Variants in TMEFF1 observed in about 807,000 individuals in gnomAD.
TMEFF1 encodes tomoregulin-1.
Under a neutral mutation model 47.5 loss-of-function variants are expected in TMEFF1, and 20 were observed. The observed-to-expected ratio is 0.42, with a 90% confidence interval of 0.30 to 0.61. The LOEUF is 0.61. Ranked by LOEUF, TMEFF1 falls within the 20% of genes least tolerant of loss-of-function variation. The pLI, the probability that TMEFF1 is intolerant of heterozygous loss-of-function variation, is 0.19. For missense variants in TMEFF1, 411 were observed against 471.1 expected, an observed-to-expected ratio of 0.87 and a Z score of 1.18; for synonymous variants, 162 against 166.3, an observed-to-expected ratio of 0.97 and a Z score of 0.20.
chr9:100,571,987 G>C (rs1479315727), intron 8 of TMEFF1, among the ~76,000 whole-genome samples: 1 of 152,048 alleles, frequency 6.6e-6, no homozygotes, highest in Non-Finnish European at 1.5e-5. Context: ...GTGAGTGATG[G>C]GGAGTAGCTG....
intron 1 of TMEFF1, among the ~76,000 whole-genome samples, chr9:100,483,380 C>A (rs567461221): frequency 9.2e-5 from 14 of 152,122 alleles, no homozygotes; most frequent in African/African-American, 3.4e-4. Flanking sequence ...GCCTGTAATC[C>A]CAGCTACTCA....
At chr9:100,513,246 A>G in intron 3 of TMEFF1, 61 bp from the exon 4 acceptor site, 1 of 1,572,278 alleles carries the variant, frequency 6.4e-7, no homozygotes, top group Non-Finnish European at 8.6e-7. Context: ...AAATTTTATT[A>G]TTTGATAAGA....
chr9:100,543,690 A>T (rs943117261), intron 5 of TMEFF1, among the ~76,000 whole-genome samples: 2 of 147,624 alleles, frequency 1.4e-5, no homozygotes, highest in Non-Finnish European at 3.0e-5. Flanking sequence ...ACACTAACAT[A>T]GCTGATGAAG....
intron 5 of TMEFF1, among the ~76,000 whole-genome samples, chr9:100,532,782 T>C (rs1367845019): frequency 6.6e-6 from 1 of 152,074 alleles, no homozygotes; most frequent in East Asian, 1.9e-4. Flanking sequence ...TAAAGACACA[T>C]GCACACGTAT....
At chr9:100,529,808 C>G (rs1838340561) in intron 5 of TMEFF1, among the ~76,000 whole-genome samples, 2 of 152,122 alleles carry the variant, frequency 1.3e-5, no homozygotes, top group African/African-American at 4.8e-5. Flanking sequence ...CAGCCCCACA[C>G]CACACCTATT....
At position 100,550,028 on chromosome 9, in the gene TMEFF1, T is replaced by C. The variant is rs1466535348; in HGVS notation, c.710-67T>C. 1.9e-6 allele frequency: 3 copies of C among 1,539,910 alleles called. No individual in the cohort carries two copies. In the African/African-American group the frequency reaches 4.2e-5, roughly 21 times the overall value. ...AAGAACTTGGAATAATTTGGAATTA[T>C]TGGGAGTATCATGATATGACTTAAC... On this transcript the variant is annotated intron_variant, in intron 6 of 9. Transcript: ENST00000374879.
intron 1 of TMEFF1, among the ~76,000 whole-genome samples, chr9:100,481,862 A>G (rs1177221709): frequency 1.3e-5 from 2 of 151,906 alleles, no homozygotes; most frequent in South Asian, 4.2e-4. Flanking sequence ...GCTCAGTGCA[A>G]CCTCCGCCTC....
intron 7 of TMEFF1, among the ~76,000 whole-genome samples, chr9:100,555,836 C>T (rs1276559916): frequency 6.6e-6 from 1 of 152,198 alleles, no homozygotes; most frequent in Non-Finnish European, 1.5e-5. Flanking sequence ...GAGTGCCCTA[C>T]TATGTGCCAG....
intron 8 of TMEFF1, among the ~76,000 whole-genome samples, chr9:100,567,391 A>G (rs1839145228): frequency 6.6e-6 from 1 of 152,132 alleles, no homozygotes; most frequent in Non-Finnish European, 1.5e-5. Context: ...CCTGGCTCAT[A>G]CCTGGTGTTC....
chr9:100,567,190 G>A (rs1196459362), intron 8 of TMEFF1, among the ~76,000 whole-genome samples: 2 of 152,110 alleles, frequency 1.3e-5, no homozygotes, highest in East Asian at 3.9e-4. Context: ...GCTGTTCTTG[G>A]GCATGCCATG....
intron 2 of TMEFF1, among the ~76,000 whole-genome samples, chr9:100,502,390 C>A (rs1427778122): frequency 6.6e-6 from 1 of 152,078 alleles, no homozygotes. Flanking sequence ...GACGGGGTCT[C>A]ACTCTGTTGC....
chr9:100,550,925 A>G (rs1197863789), intron 7 of TMEFF1, among the ~76,000 whole-genome samples: 1 of 152,256 alleles, frequency 6.6e-6, no homozygotes, highest in East Asian at 1.9e-4. Context: ...CTTGACTTCA[A>G]GGCCACTGCT....
At chr9:100,544,976 C>T (rs1838703530) in intron 5 of TMEFF1, among the ~76,000 whole-genome samples, 2 of 152,236 alleles carry the variant, frequency 1.3e-5, no homozygotes, top group South Asian at 2.1e-4. Context: ...TGGGCAGCTG[C>T]ACCTTTGTGG....
At position 100,498,826 on chromosome 9, in the gene TMEFF1, A is replaced by C. The variant is rs755055125; in HGVS notation, c.258A>C (p.Gly86=). Residue 86 remains glycine (G), a synonymous_variant, in exon 2 of 10, where the codon GGA becomes GGC. Transcript: ENST00000374879. ...VCDESSCKYG[G]VCKEDGDGLK... is the part of the protein sequence containing the mutation. ...ATGAGTCATCATGTAAATATGGAGG[A>C]GTCTGTAAAGAAGATGGAGATGGTT... 1 of 1,613,842 alleles carries C rather than the reference A, an allele frequency of 6.2e-7. No homozygotes were observed. Among genetic ancestry groups the C allele is most frequent in the Non-Finnish European group, 8.5e-7 (1 of 1,179,928 alleles).
chr9:100,513,439 C>A (rs764128886), intron 4 of TMEFF1, 106 bp downstream of exon 4: 20 of 1,364,214 alleles, frequency 1.5e-5, no homozygotes, highest in Non-Finnish European at 1.9e-5. Flanking sequence ...AATTCACATA[C>A]CATATAATTT....
chr9:100,520,173 TG>T (rs1428998324), intron 5 of TMEFF1, among the ~76,000 whole-genome samples: 1 of 152,178 alleles, frequency 6.6e-6, no homozygotes, highest in Non-Finnish European at 1.5e-5. Flanking sequence ...ATGCCAGCTG[TG>T]GTGGCTTACA....
At chr9:100,573,199 A>G (rs768773502) in intron 9 of TMEFF1, among the ~76,000 whole-genome samples, 6 of 152,144 alleles carry the variant, frequency 3.9e-5, no homozygotes, top group Non-Finnish European at 8.8e-5. Flanking sequence ...GCCCTGCACA[A>G]CTGCAAGGGG....
chr9:100,549,023 A>G (rs185664854), intron 6 of TMEFF1, among the ~76,000 whole-genome samples: 1 of 152,304 alleles, frequency 6.6e-6, no homozygotes, highest in East Asian at 1.9e-4. Flanking sequence ...GCATATTTGA[A>G]TGATACTCTA....
intron 8 of TMEFF1, 48 bp from the exon 9 acceptor site, chr9:100,572,470 A>T (rs1839265498): frequency 6.8e-7 from 1 of 1,479,848 alleles, no homozygotes; most frequent in African/African-American, 1.4e-5. Context: ...GCTTGGGAGT[A>T]TCAAAATTTG....
Sources: gnomAD v4.1 joint callset for allele counts (sites outside exome capture counted in the v4.1 genomes callset) on GRCh38, gnomAD v4.1.1 for gene constraint, MANE v1.5 for transcripts, NCBI Gene and HGNC (gene_info 2026-07-23, HGNC 2026-07-21) for gene names.